LRMDA: variants seen among roughly 807,000 people sequenced by gnomAD.
The protein encoded by LRMDA is leucine rich melanocyte differentiation associated, also known as leucine-rich melanocyte differentiation-associated protein.
Under a neutral mutation model 29.8 loss-of-function variants are expected in LRMDA, and 18 were observed. That is an observed-to-expected ratio of 0.60 (90% CI 0.42 to 0.90). The LOEUF is 0.90. Ranked by LOEUF, LRMDA falls within the 40% of genes least tolerant of loss-of-function variation. The probability of loss-of-function intolerance (pLI) is 0.00; values close to 1 mark genes in which losing one functional copy is unlikely to be tolerated. For missense variants in LRMDA, 273 were observed against 273.9 expected (o/e 1.00, Z 0.02); for synonymous variants, 125 against 109.4 (o/e 1.14, Z -0.89).
intron 5 of LRMDA, among the ~76,000 whole-genome samples, chr10:76,158,082 G>A (rs961129003): frequency 2.0e-5 from 3 of 152,116 alleles, no homozygotes; most frequent in African/African-American, 7.2e-5. Flanking sequence ...ATATTTGACT[G>A]TATATGGGAC....
chr10:75,793,747 T>C (rs1027348258), intron 2 of LRMDA, among the ~76,000 whole-genome samples: 3 of 152,194 alleles, frequency 2.0e-5, no homozygotes, highest in Non-Finnish European at 4.4e-5. Flanking sequence ...CCAGATAGAG[T>C]TGGCTCCATC....
At chr10:76,492,682 T>C (rs1461655687) in intron 6 of LRMDA, among the ~76,000 whole-genome samples, 1 of 152,030 alleles carries the variant, frequency 6.6e-6, no homozygotes, top group Non-Finnish European at 1.5e-5. Context: ...TTTAATTGAC[T>C]CACAGTTCTG....
At chr10:75,964,659 C>T (rs1846826067) in intron 2 of LRMDA, among the ~76,000 whole-genome samples, 1 of 152,186 alleles carries the variant, frequency 6.6e-6, no homozygotes, top group African/African-American at 2.4e-5. Context: ...AGAGAAGGTT[C>T]TCAGTAAACT....
At chr10:75,545,254 G>C (rs1840064261) in intron 2 of LRMDA, among the ~76,000 whole-genome samples, 1 of 152,060 alleles carries the variant, frequency 6.6e-6, no homozygotes, top group African/African-American at 2.4e-5. Context: ...TGAGATCTTG[G>C]TAAAAGTCCA....
intron 2 of LRMDA, among the ~76,000 whole-genome samples, chr10:75,486,570 C>T (rs967793224): frequency 1.3e-5 from 2 of 151,888 alleles, no homozygotes; most frequent in African/African-American, 4.8e-5. Context: ...GGAAGGAAAG[C>T]TTTATGCAGG....
At chr10:76,091,384 C>T (rs1849230491) in intron 5 of LRMDA, among the ~76,000 whole-genome samples, 1 of 151,894 alleles carries the variant, frequency 6.6e-6, no homozygotes, top group African/African-American at 2.4e-5. Flanking sequence ...TGAAGTTTGG[C>T]TCTATTAACG....
chr10:75,579,123 G>A (rs552825489), intron 2 of LRMDA, among the ~76,000 whole-genome samples: 4 of 152,266 alleles, frequency 2.6e-5, no homozygotes, highest in African/African-American at 7.2e-5. Context: ...AAAAATCAAT[G>A]AATCCAGGAG....
intron 4 of LRMDA, among the ~76,000 whole-genome samples, chr10:76,053,967 G>T (rs1431437855): frequency 2.0e-5 from 3 of 152,184 alleles, no homozygotes; most frequent in Admixed American, 2.0e-4. Context: ...CCATCTGTGT[G>T]TTGGGAAGTC....
At chr10:75,532,991 T>C (rs1265540210) in intron 2 of LRMDA, among the ~76,000 whole-genome samples, 1 of 152,160 alleles carries the variant, frequency 6.6e-6, no homozygotes, top group Non-Finnish European at 1.5e-5. Flanking sequence ...TAGCTAAGTA[T>C]AATATTAATA....
chr10:75,470,805 G>C (rs529968270), intron 2 of LRMDA, among the ~76,000 whole-genome samples: 1 of 152,312 alleles, frequency 6.6e-6, no homozygotes, highest in East Asian at 1.9e-4. Flanking sequence ...GAGAAGGGCC[G>C]CTTACTTCCT....
chr10:76,502,537 C>A (rs926230150), intron 6 of LRMDA, among the ~76,000 whole-genome samples: 1 of 152,046 alleles, frequency 6.6e-6, no homozygotes, highest in East Asian at 1.9e-4. Flanking sequence ...TTTCTTTCAA[C>A]AGTGTTTTGG....
intron 2 of LRMDA, among the ~76,000 whole-genome samples, chr10:75,529,226 AC>A (rs946518698): frequency 6.6e-6 from 1 of 152,214 alleles, no homozygotes; most frequent in Admixed American, 6.5e-5. Context: ...AGCTGGAAAA[AC>A]ATGGCAAACA....
chr10:76,364,265 A>G (rs1276672120), intron 6 of LRMDA, among the ~76,000 whole-genome samples: 3 of 152,180 alleles, frequency 2.0e-5, no homozygotes, highest in African/African-American at 7.2e-5. Context: ...ATCTAAAGCC[A>G]AGCTCACAGC....
chr10:75,672,056 T>C (rs1009894452), intron 2 of LRMDA, among the ~76,000 whole-genome samples: 2 of 152,224 alleles, frequency 1.3e-5, no homozygotes, highest in African/African-American at 2.4e-5. Flanking sequence ...GACCCCTTAT[T>C]TTACTTGCAG....
chr10:75,807,083 G>A (rs1410886032), intron 2 of LRMDA, among the ~76,000 whole-genome samples: 1 of 152,096 alleles, frequency 6.6e-6, no homozygotes, highest in Non-Finnish European at 1.5e-5. Context: ...CCCTGTGGGG[G>A]GTGAGTGTGC....
chr10:76,409,541 C>T (rs973823024), intron 6 of LRMDA, among the ~76,000 whole-genome samples: 1 of 152,138 alleles, frequency 6.6e-6, no homozygotes, highest in African/African-American at 2.4e-5. Context: ...CCATTGCTAA[C>T]CCGTTCACTT....
At chr10:75,950,787 G>A (rs1314136910) in intron 2 of LRMDA, among the ~76,000 whole-genome samples, 2 of 152,194 alleles carry the variant, frequency 1.3e-5, no homozygotes, top group Non-Finnish European at 2.9e-5. Context: ...TGATCACTCA[G>A]GAACCTTTAA....
chr10:76,028,974 G>A (rs375552800), intron 2 of LRMDA, among the ~76,000 whole-genome samples: 14 of 151,904 alleles, frequency 9.2e-5, no homozygotes, highest in African/African-American at 2.4e-4. Context: ...GTGCCACCAC[G>A]CCCAGCTAAT....
At chr10:76,463,023 G>A (rs1873460) in intron 6 of LRMDA, among the ~76,000 whole-genome samples, 152,230 of 152,236 alleles carry the variant, frequency 1, 76,112 homozygotes, top group Non-Finnish European at 1. Context: ...AGATCTCTTA[G>A]GATTGATTTG....
Sources: allele counts gnomAD v4.1 joint callset (sites outside exome capture counted in the v4.1 genomes callset), GRCh38; gene constraint gnomAD v4.1.1; transcripts MANE v1.5; gene names NCBI Gene and HGNC (gene_info 2026-07-23, HGNC 2026-07-21).